Variants in ACYP2 observed in about 807,000 individuals in gnomAD.
The protein encoded by ACYP2 is acylphosphatase 2.
In ACYP2, 12 loss-of-function variants were observed where a neutral mutation model predicts 11.2. The ratio of observed to expected loss-of-function variants is 1.08; its 90% CI spans 0.69 to 1.74. The LOEUF (loss-of-function observed/expected upper bound fraction) is 1.74. Ranked by LOEUF, ACYP2 falls within the 40% of genes most tolerant of loss-of-function variation. The probability of loss-of-function intolerance (pLI) is 0.00; values close to 1 mark genes in which losing one functional copy is unlikely to be tolerated. For missense variants in ACYP2, 134 were observed against 101.9 expected, an observed-to-expected ratio of 1.31 and a Z score of -1.35; for synonymous variants, 43 against 32.2, an observed-to-expected ratio of 1.33 and a Z score of -1.13.
intron 6 of ACYP2, chr2:54,142,606 C>G (rs1188603696): frequency 6.6e-6 from 1 of 152,194 alleles, no homozygotes; most frequent in Non-Finnish European, 1.5e-5. Flanking sequence ...GCCTGTTGTC[C>G]CAGCTACTTG....
chr2:53,990,842 G>T (rs1476072585), intron 2 of ACYP2, among the ~76,000 whole-genome samples: 1 of 151,832 alleles, frequency 6.6e-6, no homozygotes, highest in Non-Finnish European at 1.5e-5. Context: ...TGTCGCCCAG[G>T]CTGGAGTGCG....
chr2:53,982,246 A>T (rs1191911905), intron 2 of ACYP2, among the ~76,000 whole-genome samples: 3 of 152,234 alleles, frequency 2.0e-5, no homozygotes, highest in Non-Finnish European at 4.4e-5. Context: ...AGACATTCAC[A>T]CTTGATCACA....
intron 6 of ACYP2, among the ~76,000 whole-genome samples, chr2:54,161,978 A>G (rs1682732519): frequency 6.6e-6 from 1 of 152,098 alleles, no homozygotes; most frequent in African/African-American, 2.4e-5. Flanking sequence ...AAATTTTATA[A>G]TAAGTATTCT....
chr2:54,186,275 A>C (rs1683991044), intron 6 of ACYP2, among the ~76,000 whole-genome samples: 1 of 152,198 alleles, frequency 6.6e-6, no homozygotes, highest in African/African-American at 2.4e-5. Flanking sequence ...AGGAGAAAAA[A>C]AGAATATAAT....
At chr2:54,022,102 CAT>C (rs1206804168) in intron 2 of ACYP2, among the ~76,000 whole-genome samples, 7 of 152,216 alleles carry the variant, frequency 4.6e-5, no homozygotes, top group African/African-American at 1.7e-4. Flanking sequence ...GAATACAACT[CAT>C]ATATTTGTCA....
chr2:54,023,017 C>A (rs955860621), intron 2 of ACYP2, among the ~76,000 whole-genome samples: 8 of 152,180 alleles, frequency 5.3e-5, no homozygotes, highest in African/African-American at 7.2e-5. Context: ...ATAAGACTTA[C>A]ATTAAATAAG....
intron 4 of ACYP2, chr2:54,066,118 C>T (rs915751568): frequency 2.0e-5 from 3 of 152,200 alleles, no homozygotes; most frequent in African/African-American, 7.2e-5. Context: ...TCTGTGTCTC[C>T]ACCCAAATCT....
At chr2:54,250,317 A>G (rs972925952) in intron 6 of ACYP2, among the ~76,000 whole-genome samples, 1 of 152,062 alleles carries the variant, frequency 6.6e-6, no homozygotes, top group Admixed American at 6.5e-5. Context: ...TTTCTACTAA[A>G]AATACTTTAG....
At chr2:54,143,260 G>A (rs1253940379) in intron 6 of ACYP2, 1 of 152,140 alleles carries the variant, frequency 6.6e-6, no homozygotes, top group African/African-American at 2.4e-5. Context: ...GATGTTTGCT[G>A]TTGGTTTTAG....
rs1210281198 is a variant in ACYP2 at position 54,201,626 on chromosome 2, T to TTCTCTC, written c.404+62881_404+62882insCTCTCT. Among the ~76,000 whole-genome samples the TTCTCTC allele has an allele frequency of 7.3e-4, 75 of 102,530 alleles. 1 individual carries two copies. In the East Asian group the frequency reaches 0.021, roughly 29 times the overall value. 67.3% of individuals were successfully genotyped at this position (102,530 alleles called of 152,430 possible). A position where few individuals can be genotyped will look rare whatever the true frequency, so the allele number is the denominator to read the frequency against. On this transcript the variant is annotated intron_variant, in intron 6 of 6. Transcript: ENST00000607452. ...TTTCTTTCTTTCTTTCTTTCTTTGT[T>TTCTCTC]TCTTTCTTTCTCTTTCTTTCTTTCT...
intron 6 of ACYP2, among the ~76,000 whole-genome samples, chr2:54,167,916 A>T (rs997940948): frequency 2.0e-5 from 3 of 152,188 alleles, no homozygotes; most frequent in Non-Finnish European, 2.9e-5. Context: ...AGCCAGTTTT[A>T]AAAAATTACC....
chr2:54,163,155 T>C (rs1558579658), intron 6 of ACYP2, among the ~76,000 whole-genome samples: 1 of 152,200 alleles, frequency 6.6e-6, no homozygotes, highest in Non-Finnish European at 1.5e-5. Context: ...TGGATTTTGC[T>C]TGTCCCCGGA....
chr2:54,185,711 T>C (rs573183089), intron 6 of ACYP2, among the ~76,000 whole-genome samples: 37 of 152,264 alleles, frequency 2.4e-4, no homozygotes, highest in Middle Eastern at 6.8e-3. Flanking sequence ...TTGATAGTTA[T>C]TTGGAAAAAT....
At chr2:54,207,091 A>C (rs1369058041) in intron 6 of ACYP2, among the ~76,000 whole-genome samples, 3 of 151,660 alleles carry the variant, frequency 2.0e-5, no homozygotes, top group African/African-American at 7.3e-5. Flanking sequence ...ATATATGTTT[A>C]TATAGATATC....
At chr2:54,090,558 G>C (rs1351770209) in intron 4 of ACYP2, among the ~76,000 whole-genome samples, 1 of 152,194 alleles carries the variant, frequency 6.6e-6, no homozygotes, top group East Asian at 1.9e-4. Context: ...TTGAAACCGG[G>C]AGGTGGAGTT....
At chr2:54,023,162 T>A (rs893135512) in intron 2 of ACYP2, among the ~76,000 whole-genome samples, 1 of 152,234 alleles carries the variant, frequency 6.6e-6, no homozygotes, top group African/African-American at 2.4e-5. Context: ...GAATTGTTGT[T>A]AATTTCCAGG....
At chr2:54,058,210 TATTCTC>T (rs1238670558) in intron 4 of ACYP2, among the ~76,000 whole-genome samples, 1 of 152,014 alleles carries the variant, frequency 6.6e-6, no homozygotes, top group Non-Finnish European at 1.5e-5. Flanking sequence ...GCTCTGGACT[TATTCTC>T]ATTGGTTCTT....
At chr2:54,218,565 T>C (rs1256846073) in intron 6 of ACYP2, among the ~76,000 whole-genome samples, 2 of 152,220 alleles carry the variant, frequency 1.3e-5, no homozygotes, top group Non-Finnish European at 2.9e-5. Flanking sequence ...AGATGTTTTA[T>C]TTAGGATTGC....
chr2:54,019,202 G>T (rs573003536), intron 2 of ACYP2, among the ~76,000 whole-genome samples: 1 of 151,786 alleles, frequency 6.6e-6, no homozygotes, highest in South Asian at 2.1e-4. Context: ...TAGTAGCTGG[G>T]CCTGTAGGTG....
Sources: gnomAD v4.1 joint callset for allele counts (sites outside exome capture counted in the v4.1 genomes callset) on GRCh38, gnomAD v4.1.1 for gene constraint, MANE v1.5 for transcripts, NCBI Gene and HGNC (gene_info 2026-07-23, HGNC 2026-07-21) for gene names.